Variants in PRAMEF18 observed in about 807,000 individuals in gnomAD.
PRAMEF18 encodes PRAME family member 18.
In PRAMEF18, 15 loss-of-function variants were observed where a neutral mutation model predicts 23.7. The ratio of observed to expected loss-of-function variants is 0.63; its 90% confidence interval spans 0.42 to 0.97. The LOEUF (loss-of-function observed/expected upper bound fraction) is 0.97, where lower values mean the gene tolerates loss of function less well. PRAMEF18 is among the 50% of genes least tolerant of loss of function. PRAMEF18 has a pLI of 0.00. For synonymous variants in PRAMEF18, 78 were observed against 159.9 expected (o/e 0.49, Z 3.86); for missense variants, 223 against 418.6 (o/e 0.53, Z 4.08).
At chr1:13,225,725 A>T in intron 1 of PRAMEF18, 95 bp downstream of exon 1, 2 of 1,611,972 alleles carry the variant, frequency 1.2e-6, no homozygotes, top group East Asian at 4.5e-5. Flanking sequence ...CACTGGCACC[A>T]TCAGAAGCCC....
intron 2 of PRAMEF18, 49 bp downstream of exon 2, chr1:13,224,806 A>G (rs1221607943): frequency 6.2e-7 from 1 of 1,612,650 alleles, no homozygotes; most frequent in African/African-American, 1.3e-5. Flanking sequence ...ATTGTAACAA[A>G]AAAAGGCTGT....
chr1:13,226,147 C>A, upstream of PRAMEF18: 1 of 1,610,870 alleles, frequency 6.2e-7, no homozygotes. Context: ...AGAAGACAAA[C>A]TTATCAGGCC....
At chr1:13,224,827 C>T in intron 2 of PRAMEF18, 28 bp downstream of exon 2, 2 of 1,613,704 alleles carry the variant, frequency 1.2e-6, no homozygotes, top group East Asian at 2.2e-5. Context: ...GCTATGGCCC[C>T]CAGAGAAAGC....
intron 1 of PRAMEF18, 109 bp from the exon 2 acceptor site, chr1:13,225,542 C>T: frequency 7.7e-7 from 1 of 1,295,916 alleles, no homozygotes; most frequent in Non-Finnish European, 1.1e-6. Flanking sequence ...CAGCGCCCCT[C>T]CTTCTGTCTC....
At chr1:13,225,062 A>G in exon 2 of PRAMEF18, 1 of 1,614,176 alleles carries the variant, frequency 6.2e-7, no homozygotes, top group East Asian at 2.2e-5. Flanking sequence ...CTCTACTATC[A>G]TACACAGCCA....
chr1:13,224,728 T>A, intron 2 of PRAMEF18, 127 bp downstream of exon 2: 14 of 1,538,640 alleles, frequency 9.1e-6, no homozygotes, highest in Non-Finnish European at 1.1e-5. Context: ...AACAGGACAA[T>A]GCATTCTAGT....
exon 2 of PRAMEF18, chr1:13,225,051 A>G: frequency 6.2e-7 from 1 of 1,614,178 alleles, no homozygotes; most frequent in Non-Finnish European, 8.5e-7. Flanking sequence ...TAACGGCTAA[A>G]CTCTACTATC....
At chr1:13,224,799 G>T (rs1436167258) in intron 2 of PRAMEF18, 56 bp downstream of exon 2, 4 of 1,612,252 alleles carry the variant, frequency 2.5e-6, no homozygotes, top group Non-Finnish European at 3.4e-6. Context: ...GGTGTTTATT[G>T]TAACAAAAAA....
chr1:13,225,164 A>G lies in PRAMEF18; in HGVS notation c.557T>C (p.Val186Ala), dbSNP rs1638827640. The G allele has an allele frequency of 2.5e-6, 4 of 1,612,564 alleles. No individual in the cohort carries two copies. The African/African-American group carries it at 5.3e-5, about 21-fold the overall frequency. ...ATTTAGAATGCTCATTGAATAATTC[A>G]CCACCTTAGTACAGCACAGGTGTAC... Residue 186 changes from valine (V) to alanine (A), a missense_variant, in exon 2 of 3, where the codon GTG (valine) becomes GCG (alanine). Around this residue, in one of 6 missense-constraint regions of PRAMEF18, gnomAD observed 160 missense variants for 130.8 expected, o/e 1.22. Transcript: ENST00000624297.
At chr1:13,225,029 A>C in exon 2 of PRAMEF18, 10 of 1,614,186 alleles carry the variant, frequency 6.2e-6, no homozygotes, top group Non-Finnish European at 8.5e-6. Context: ...AAGATTCCTC[A>C]TCTGGCTCAG....
intron 1 of PRAMEF18, 81 bp downstream of exon 1, chr1:13,225,739 G>C (rs1638840776): frequency 6.2e-7 from 1 of 1,612,180 alleles, no homozygotes; most frequent in African/African-American, 1.3e-5. Flanking sequence ...GAAGCCCCTG[G>C]GCCACCCCGG....
intron 2 of PRAMEF18, 177 bp downstream of exon 2, chr1:13,224,678 G>C (rs1459630071): frequency 8.3e-7 from 1 of 1,206,512 alleles, no homozygotes; most frequent in Non-Finnish European, 1.2e-6. Flanking sequence ...GCCCTTACTG[G>C]AGCGATCCTG....
chr1:13,224,962 T>C, exon 2 of PRAMEF18: 1 of 1,614,134 alleles, frequency 6.2e-7, no homozygotes, highest in Non-Finnish European at 8.5e-7. Context: ...CAACTAACTG[T>C]TCTTGGCTGT....
At chr1:13,224,518 T>G (rs1318935500) in intron 2 of PRAMEF18, 2 of 206,426 alleles carry the variant, frequency 9.7e-6, no homozygotes, top group Non-Finnish European at 1.7e-5. Context: ...CCCTCCCCTC[T>G]GTTGCCTCTT....
At chr1:13,225,621 G>A in intron 1 of PRAMEF18, 188 bp from the exon 2 acceptor site, 1 of 1,147,068 alleles carries the variant, frequency 8.7e-7, no homozygotes, top group Non-Finnish European at 1.2e-6. Flanking sequence ...TCCACTGGGA[G>A]CAGGCAGGTT....
At chr1:13,223,415 C>G in exon 3 of PRAMEF18, 1 of 1,262,338 alleles carries the variant, frequency 7.9e-7, no homozygotes, top group Non-Finnish European at 1.0e-6. Flanking sequence ...GACACCGGAC[C>G]AAAGAAGATC....
chr1:13,224,823 G>A, intron 2 of PRAMEF18, 32 bp downstream of exon 2: 3 of 1,613,496 alleles, frequency 1.9e-6, no homozygotes, highest in Non-Finnish European at 2.5e-6. Context: ...CTGTGCTATG[G>A]CCCCCAGAGA....
exon 2 of PRAMEF18, chr1:13,225,263 A>G: frequency 2.5e-6 from 4 of 1,612,180 alleles, no homozygotes; most frequent in Non-Finnish European, 3.4e-6. Flanking sequence ...CTTGAGGCAA[A>G]CATCCATGAA....
Position 13,225,208 on chromosome 1 carries a change from C to T in PRAMEF18, c.513G>A (p.Val171=), listed in dbSNP as rs1553188582. ...GGTGTACTGAACCTCTTCTGTGCTG[C>T]ACCCACCCAGAGAAGAAGCTCAGAT... Residue 171 remains valine, a synonymous_variant, in exon 2 of 3, where the codon GTG becomes GTA. Transcript: ENST00000624297. The T allele has an allele frequency of 7.5e-6, 12 of 1,605,678 alleles. No individual in the cohort carries two copies. The South Asian group carries it at 1.3e-4, about 18-fold the overall frequency.
Sources: gnomAD v4.1 joint callset for allele counts on GRCh38, gnomAD v4.1.1 for gene constraint, gnomAD v4.1.1 regional missense constraint, MANE v1.5 for transcripts, NCBI Gene and HGNC (gene_info 2026-07-23, HGNC 2026-07-21) for gene names.